The following SLC25A21 variants were observed in gnomAD, a reference collection of about 807,000 sequenced individuals.
SLC25A21 encodes the protein solute carrier family 25 member 21, also known as mitochondrial 2-oxodicarboxylate carrier.
A neutral mutation model predicts 43.8 loss-of-function variants in SLC25A21; 47 were observed. That is an observed-to-expected ratio of 1.07 (90% CI 0.85 to 1.37). The LOEUF is 1.37. Among genes scored for constraint, SLC25A21 ranks in the 40% most tolerant of loss-of-function variants. SLC25A21 has a pLI of 0.00. For synonymous variants in SLC25A21, 131 were observed against 121.3 expected, an observed-to-expected ratio of 1.08 and a Z score of -0.52; for missense variants, 352 against 350.2, an observed-to-expected ratio of 1.00 and a Z score of -0.04.
intron 1 of SLC25A21, among the ~76,000 whole-genome samples, chr14:37,040,882 T>G (rs954587220): frequency 6.6e-6 from 1 of 151,598 alleles, no homozygotes; most frequent in African/African-American, 2.4e-5. Flanking sequence ...ACTAGATAAA[T>G]AGAAAATAGC....
chr14:36,768,356 G>C (rs1173241718), intron 3 of SLC25A21, among the ~76,000 whole-genome samples: 1 of 152,144 alleles, frequency 6.6e-6, no homozygotes, highest in African/African-American at 2.4e-5. Context: ...AAACAATAAA[G>C]AGAAAACCAG....
chr14:37,017,050 T>C (rs1318530949), intron 1 of SLC25A21, among the ~76,000 whole-genome samples: 1 of 152,102 alleles, frequency 6.6e-6, no homozygotes, highest in Non-Finnish European at 1.5e-5. Context: ...TTTCACTTTC[T>C]TATCATTTGT....
At chr14:36,955,594 T>A (rs959601974) in intron 1 of SLC25A21, among the ~76,000 whole-genome samples, 1 of 152,160 alleles carries the variant, frequency 6.6e-6, no homozygotes, top group African/African-American at 2.4e-5. Context: ...ATGAAGATTT[T>A]AACTGCAGGC....
At chr14:37,056,415 CG>C (rs1566847853) in intron 1 of SLC25A21, among the ~76,000 whole-genome samples, 1 of 150,262 alleles carries the variant, frequency 6.7e-6, no homozygotes, top group South Asian at 2.1e-4. Flanking sequence ...GCGTGAACCC[CG>C]GGGGGCGGAG....
At chr14:36,901,517 TA>T (rs1447778220) in intron 1 of SLC25A21, among the ~76,000 whole-genome samples, 1 of 152,180 alleles carries the variant, frequency 6.6e-6, no homozygotes, top group Non-Finnish European at 1.5e-5. Flanking sequence ...CATTTAAAAA[TA>T]AATAGAATTT....
intron 2 of SLC25A21, among the ~76,000 whole-genome samples, chr14:36,847,977 A>G (rs919175924): frequency 2.0e-5 from 3 of 152,180 alleles, no homozygotes; most frequent in Non-Finnish European, 4.4e-5. Context: ...GGTGATACAC[A>G]CTGAACAGAG....
intron 1 of SLC25A21, among the ~76,000 whole-genome samples, chr14:36,876,171 A>G (rs889082673): frequency 6.6e-6 from 1 of 152,168 alleles, no homozygotes; most frequent in African/African-American, 2.4e-5. Flanking sequence ...GAATTTAGCC[A>G]TGATGTAGTT....
intron 1 of SLC25A21, among the ~76,000 whole-genome samples, chr14:37,117,139 T>C (rs1318951891): frequency 1.3e-5 from 2 of 152,188 alleles, no homozygotes; most frequent in Non-Finnish European, 2.9e-5. Context: ...ATTTTATTTT[T>C]CAACATAGAG....
At chr14:36,862,381 T>A (rs1890092633) in intron 2 of SLC25A21, among the ~76,000 whole-genome samples, 1 of 152,190 alleles carries the variant, frequency 6.6e-6, no homozygotes, top group African/African-American at 2.4e-5. Flanking sequence ...AATGACAGAC[T>A]GGATTAAGCA....
intron 1 of SLC25A21, among the ~76,000 whole-genome samples, chr14:37,086,415 GT>G (rs1962488282): frequency 6.6e-6 from 1 of 152,118 alleles, no homozygotes; most frequent in African/African-American, 2.4e-5. Flanking sequence ...GTATAGATAT[GT>G]TTGTGTAATA....
chr14:37,073,127 C>T (rs139323029), intron 1 of SLC25A21, among the ~76,000 whole-genome samples: 2 of 152,292 alleles, frequency 1.3e-5, no homozygotes, highest in East Asian at 3.9e-4. Flanking sequence ...TTCTCAAAAA[C>T]AGAAGATGAC....
Position 36,789,860 on chromosome 14 carries a change from T to C in SLC25A21, c.203+24058A>G, listed in dbSNP as rs961254973. 4.3e-5 allele frequency among the ~76,000 whole-genome samples: 5 copies of C among 116,898 alleles called. 1 individual carries two copies. Among genetic ancestry groups the C allele is most frequent in the Non-Finnish European group, 8.2e-5 (5 of 60,746 alleles). The allele number at this position is 116,898 out of a possible 152,430, so 76.7% of individuals were successfully genotyped here. On this transcript the variant is annotated intron_variant, in intron 3 of 9. Transcript: ENST00000331299. ...ATATTTAATATATTTTATATATTTA[T>C]ATAAAAATATATTATATATTTATAT... is the stretch of plus-strand genomic sequence containing the variant.
intron 2 of SLC25A21, among the ~76,000 whole-genome samples, chr14:36,816,110 T>A (rs1033283285): frequency 1.3e-5 from 2 of 151,994 alleles, no homozygotes; most frequent in Non-Finnish European, 2.9e-5. Context: ...GCAGAGTGAG[T>A]GTGGTATAAT....
chr14:37,106,169 A>G (rs945431083), intron 1 of SLC25A21, among the ~76,000 whole-genome samples: 1 of 152,180 alleles, frequency 6.6e-6, no homozygotes, highest in Non-Finnish European at 1.5e-5. Flanking sequence ...GCACCTTGAA[A>G]AAAAACAGAA....
intron 1 of SLC25A21, among the ~76,000 whole-genome samples, chr14:36,886,398 G>T (rs1244889641): frequency 6.6e-6 from 1 of 152,168 alleles, no homozygotes; most frequent in Non-Finnish European, 1.5e-5. Context: ...TGAAAAACTT[G>T]CAAACACTTT....
chr14:37,002,853 A>G (rs1443601564), intron 1 of SLC25A21, among the ~76,000 whole-genome samples: 1 of 152,214 alleles, frequency 6.6e-6, no homozygotes. Flanking sequence ...GTGTAGCAAC[A>G]GCACTTCAGT....
At position 36,679,482 on chromosome 14, in the gene SLC25A21, C is replaced by T; in HGVS notation, c.*1176G>A. The T allele has an allele frequency of 1.0e-6, 1 of 985,352 alleles. No individual in the cohort carries two copies. Among genetic ancestry groups the T allele is most frequent in the African/African-American group, 1.7e-5 (1 of 57,342 alleles). The allele number at this position is 985,352 out of a possible 1,614,324, so 61.0% of individuals were successfully genotyped here. A position where few individuals can be genotyped will look rare whatever the true frequency, so the allele number is the denominator to read the frequency against. On this transcript the variant is annotated 3_prime_UTR_variant, in exon 10 of 10. Transcript: ENST00000331299. ...ATGGACTTTCAGTTATTCTTGTTGA[C>T]TTTACTGAATCAGCATCATCTCTGG...
intron 7 of SLC25A21, among the ~76,000 whole-genome samples, chr14:36,706,350 C>T (rs1883564542): frequency 6.6e-6 from 1 of 152,178 alleles, no homozygotes. Context: ...TTTCAATTTA[C>T]AGATTCCAAA....
chr14:37,060,411 AATAATAATAATAATG>A (rs1392269488), intron 1 of SLC25A21, among the ~76,000 whole-genome samples: 13 of 147,282 alleles, frequency 8.8e-5, no homozygotes, highest in Non-Finnish European at 1.8e-4. Context: ...TAATAATAAT[AATAATAATAATAATG>A]ATGTAACCCA....
Sources: allele counts gnomAD v4.1 joint callset (sites outside exome capture counted in the v4.1 genomes callset), GRCh38; gene constraint gnomAD v4.1.1; transcripts MANE v1.5; gene names NCBI Gene and HGNC (gene_info 2026-07-23, HGNC 2026-07-21).